IRGM: variants seen among roughly 807,000 people sequenced by gnomAD.
IRGM encodes immunity-related GTPase family M protein.
For missense variants in IRGM, 288 were observed against 219.9 expected (o/e 1.31, Z -1.96); for synonymous variants, 98 against 80.6 (o/e 1.22, Z -1.16).
At chr5:150,894,512 G>A (rs897301459) in intron 3 of IRGM, 3 of 152,222 alleles carry the variant, frequency 2.0e-5, no homozygotes, top group Non-Finnish European at 4.4e-5. Context: ...ACAGTAAAAT[G>A]AGCCACTTAT....
At chr5:150,879,734 A>G (rs992715528) in intron 3 of IRGM, 94 of 152,368 alleles carry the variant, frequency 6.2e-4, no homozygotes, top group African/African-American at 2.2e-3. Context: ...TATAAAACAT[A>G]GTGTGGGTCA....
At chr5:150,868,710 A>T (rs931101106) in intron 1 of IRGM, among the ~76,000 whole-genome samples, 12 of 152,056 alleles carry the variant, frequency 7.9e-5, no homozygotes, top group Admixed American at 4.6e-4. Flanking sequence ...GTATATTCCT[A>T]AGTGGGTTTT....
downstream of IRGM, among the ~76,000 whole-genome samples, chr5:150,849,063 T>C (rs1270204459): frequency 1.3e-5 from 2 of 151,090 alleles, no homozygotes; most frequent in Admixed American, 1.3e-4. Context: ...TCAAGGCAAG[T>C]AATGGTCGGG....
chr5:150,890,020 AC>A (rs1754584698), intron 3 of IRGM, among the ~76,000 whole-genome samples: 1 of 151,976 alleles, frequency 6.6e-6, no homozygotes, highest in Non-Finnish European at 1.5e-5. Flanking sequence ...GGTGATGCTG[AC>A]CTAATATAAT....
At position 150,899,166 on chromosome 5, in the gene IRGM, T is replaced by C. The variant is rs182244895; in HGVS notation, c.*141-1423T>C. 2.4e-3 allele frequency among the ~76,000 whole-genome samples: 372 copies of C among 152,238 alleles called. 1 individual carries two copies. The highest frequency in any genetic ancestry group is 4.3e-3 in the Non-Finnish European group (290 of 67,998). On this transcript the variant is annotated intron_variant and NMD_transcript_variant, in intron 3 of 3. Transcript: ENST00000520549. Reference sequence around the variant, plus strand: ...TCACAGTCCTGAAGAACAACCTTGATTTTGGACTTCTAGCCTCCAGAACTA... The same window carrying C: ...TCACAGTCCTGAAGAACAACCTTGACTTTGGACTTCTAGCCTCCAGAACTA...
chr5:150,872,320 G>T (rs774417519), intron 1 of IRGM, among the ~76,000 whole-genome samples: 1 of 152,170 alleles, frequency 6.6e-6, no homozygotes, highest in Admixed American at 6.5e-5. Context: ...GACCCACGCT[G>T]CCATCAGCTT....
At chr5:150,878,723 A>AATT (rs542453600) in intron 2 of IRGM, among the ~76,000 whole-genome samples, 6 of 151,912 alleles carry the variant, frequency 3.9e-5, no homozygotes, top group Non-Finnish European at 7.4e-5. Flanking sequence ...AGGTCTATAT[A>AATT]ATTATTATTA....
chr5:150,892,223 A>G (rs11167521), intron 3 of IRGM, among the ~76,000 whole-genome samples: 31,565 of 151,352 alleles, frequency 0.21, 5,311 homozygotes, highest in African/African-American at 0.45. Context: ...TTTTTTTTCA[A>G]TATTGAAGTT....
intron 1 of IRGM, among the ~76,000 whole-genome samples, chr5:150,872,662 T>TTATG (rs1196268924): frequency 4.6e-5 from 7 of 152,138 alleles, no homozygotes; most frequent in Admixed American, 4.6e-4. Context: ...TACACAGGGA[T>TTATG]TATGCATTTA....
At position 150,861,828 on chromosome 5, in the gene IRGM, T is replaced by G. The variant is rs141361978; in HGVS notation, c.158+13174T>G. ...TTTGCAAATATCCAGAAAAGTGGACTGTGCAGATTGAATTATTTGAAAAAA... is the reference window on the plus strand; with the variant it reads ...TTTGCAAATATCCAGAAAAGTGGACGGTGCAGATTGAATTATTTGAAAAAA... On this transcript the variant is annotated intron_variant and NMD_transcript_variant, in intron 1 of 3. Coordinates refer to the IRGM transcript ENST00000520549. Among the ~76,000 whole-genome samples, 689 of 152,354 alleles carry G rather than the reference T, an allele frequency of 4.5e-3. 6 individuals are homozygous for G. Among genetic ancestry groups the G allele is most frequent in the African/African-American group, 0.016 (653 of 41,580 alleles).
At chr5:150,847,420 T>G (rs1300326638) in intron 1 of IRGM, 200 bp downstream of exon 1, 1 of 152,314 alleles carries the variant, frequency 6.6e-6, no homozygotes, top group Non-Finnish European at 1.5e-5. Context: ...CAAAAACCTC[T>G]TGGGCTTTTC....
At chr5:150,899,513 T>C (rs1225893197) in intron 3 of IRGM, among the ~76,000 whole-genome samples, 1 of 152,060 alleles carries the variant, frequency 6.6e-6, no homozygotes, top group Non-Finnish European at 1.5e-5. Flanking sequence ...AAAATGATCT[T>C]AGCTTCCCCC....
rs571476776 is a variant in IRGM at position 150,862,941 on chromosome 5, A to T, written c.158+14287A>T. The stretch of plus-strand genomic sequence containing the variant: ...CATTGGCAGGGAGGAGAAGAAGGCT[A>T]AAAAAAAGACCTTAGAAAATGCTAA... On this transcript the variant is annotated intron_variant and NMD_transcript_variant, in intron 1 of 3. Transcript: ENST00000520549. Among the ~76,000 whole-genome samples the T allele has an allele frequency of 1.3e-4, 20 of 152,056 alleles. No homozygotes were observed. In the South Asian group the frequency reaches 3.7e-3, roughly 28 times the overall value.
At chr5:150,862,084 A>C (rs1451119385) in intron 1 of IRGM, among the ~76,000 whole-genome samples, 1 of 152,236 alleles carries the variant, frequency 6.6e-6, no homozygotes, top group Non-Finnish European at 1.5e-5. Flanking sequence ...CAAGTGGAAA[A>C]GGATCTGCTT....
Position 150,848,221 on chromosome 5 carries a change from C to T in IRGM, c.98C>T (p.Pro33Leu). The T allele has an allele frequency of 3.2e-6, 5 of 1,551,736 alleles. No individual in the cohort carries two copies. The highest frequency in any genetic ancestry group is 4.4e-6 in the Non-Finnish European group (5 of 1,146,928). ...ACTCTGAAGATAGTGTCCAGGACACCAGTTAACATCACTATGGCAGGGGAC... is the reference window on the plus strand; with the variant it reads ...ACTCTGAAGATAGTGTCCAGGACACTAGTTAACATCACTATGGCAGGGGAC... ...KETLKIVSRT[P>L]VNITMAGDSG... is the part of the protein sequence containing the mutation. The change falls in exon 2 of 2, where the codon CCA (proline) becomes CTA (leucine). Residue 33 changes from proline to leucine, a missense_variant. By Grantham distance (98) the Pro-to-Leu change is moderately conservative. Transcript: ENST00000522154.
At chr5:150,897,938 T>A in intron 3 of IRGM, 4 of 1,171,036 alleles carry the variant, frequency 3.4e-6, no homozygotes, top group Non-Finnish European at 4.8e-6. Flanking sequence ...GGCTTCACAA[T>A]TACTTGTTGA....
At chr5:150,857,892 G>A (rs904464885) in intron 1 of IRGM, among the ~76,000 whole-genome samples, 13 of 150,660 alleles carry the variant, frequency 8.6e-5, no homozygotes, top group Non-Finnish European at 1.5e-4. Context: ...TCACTCTGAT[G>A]GTAGTTTCTT....
chr5:150,862,612 C>A (rs771756490), intron 1 of IRGM, among the ~76,000 whole-genome samples: 1 of 152,170 alleles, frequency 6.6e-6, no homozygotes, highest in Non-Finnish European at 1.5e-5. Flanking sequence ...TCTCCCCAAG[C>A]AAGTTCTTAG....
chr5:150,848,839 A>C (rs979598394), downstream of IRGM, among the ~76,000 whole-genome samples: 3 of 152,072 alleles, frequency 2.0e-5, no homozygotes, highest in African/African-American at 7.2e-5. Context: ...GTTGGGGCCA[A>C]GATTCCCAGG....
Sources: gnomAD v4.1 joint callset for allele counts (sites outside exome capture counted in the v4.1 genomes callset) on GRCh38, gnomAD v4.1.1 for gene constraint, MANE v1.5 for transcripts, NCBI Gene and HGNC (gene_info 2026-07-23, HGNC 2026-07-21) for gene names.